CRACDL: variants seen among roughly 807,000 people sequenced by gnomAD.
CRACDL encodes the protein CRACD-like protein.
A neutral mutation model predicts 70.6 loss-of-function variants in CRACDL; 26 were observed. The ratio of observed to expected loss-of-function variants is 0.37; its 90% CI spans 0.27 to 0.51. The LOEUF (loss-of-function observed/expected upper bound fraction) is 0.51, where lower values mean the gene tolerates loss of function less well. Ranked by LOEUF, CRACDL falls within the 20% of genes least tolerant of loss-of-function variation. CRACDL has a pLI of 0.94. For missense variants in CRACDL, 1,283 were observed against 1,376.9 expected (o/e 0.93, Z 1.08); for synonymous variants, 618 against 615.2 (o/e 1.00, Z -0.07).
Position 98,822,568 on chromosome 2 carries a change from G to C in CRACDL, c.1705C>G (p.Arg569Gly), listed in dbSNP as rs200824865. ...RKAERGGAELRGAKKFSVSSC... is the reference protein window; with the variant it reads ...RKAERGGAELGGAKKFSVSSC... Reference sequence around the variant, plus strand: ...GACACCGAGAACTTCTTCGCGCCTCGCAGCTCGGCACCGCCCCTCTCCGCC... The same window carrying C: ...GACACCGAGAACTTCTTCGCGCCTCCCAGCTCGGCACCGCCCCTCTCCGCC... The change falls in exon 7 of 10, where the codon CGA becomes GGA. Residue 569 changes from arginine (R) to glycine (G), a missense_variant. Transcript: ENST00000397899. The surrounding 1 kb of genome is among the most constrained non-coding windows in gnomAD (Gnocchi z 4.9). 5 of 1,461,334 alleles carry C rather than the reference G, an allele frequency of 3.4e-6. No homozygotes were observed. The highest frequency in any genetic ancestry group is 1.5e-5 in the African/African-American group (1 of 67,736). 90.5% of individuals were successfully genotyped at this position (1,461,334 alleles called of 1,614,324 possible).
At chr2:98,848,700 C>T (rs1706358629) in intron 1 of CRACDL, among the ~76,000 whole-genome samples, 2 of 152,314 alleles carry the variant, frequency 1.3e-5, no homozygotes, top group Middle Eastern at 3.4e-3. Flanking sequence ...CCTCCCACCT[C>T]AGCCCCCCCA....
intron 7 of CRACDL, among the ~76,000 whole-genome samples, chr2:98,803,487 T>C (rs771430767): frequency 1.2e-4 from 19 of 152,196 alleles, no homozygotes; most frequent in Non-Finnish European, 2.5e-4. Flanking sequence ...ATTTCTTTCT[T>C]GTTCATAGAA....
At chr2:98,814,348 T>C (rs1025317700) in intron 7 of CRACDL, among the ~76,000 whole-genome samples, 6 of 152,180 alleles carry the variant, frequency 3.9e-5, no homozygotes, top group Admixed American at 3.3e-4. Flanking sequence ...TTTTGATATG[T>C]TGTATTTTCA....
At chr2:98,878,502 A>G (rs1707548269) in intron 1 of CRACDL, among the ~76,000 whole-genome samples, 1 of 152,246 alleles carries the variant, frequency 6.6e-6, no homozygotes, top group Non-Finnish European at 1.5e-5. Context: ...AGCATATTAC[A>G]TGATGTTCAC....
At chr2:98,891,376 C>CAAAAATAAAAAA (rs1707974025) in intron 1 of CRACDL, among the ~76,000 whole-genome samples, 1 of 37,902 alleles carries the variant, frequency 2.6e-5, no homozygotes, top group Non-Finnish European at 5.1e-5. Flanking sequence ...GACTCCGTCT[C>CAAAAATAAAAAA]AAAAAAAAAA....
intron 7 of CRACDL, among the ~76,000 whole-genome samples, chr2:98,811,829 G>A (rs569050554): frequency 6.6e-6 from 1 of 152,286 alleles, no homozygotes; most frequent in Admixed American, 6.5e-5. Context: ...TATTCACTGA[G>A]CATGCACAAT....
intron 7 of CRACDL, among the ~76,000 whole-genome samples, chr2:98,806,003 G>A (rs775222930): frequency 2.0e-5 from 3 of 152,270 alleles, no homozygotes; most frequent in Non-Finnish European, 4.4e-5. Flanking sequence ...TGAGGGCCCA[G>A]AGGGGCCGTC....
rs1017824279 is a variant in CRACDL, at chr2:98,797,430, G to A, written c.2524C>T (p.Pro842Ser). The change falls in exon 8 of 10, where the codon CCC (proline) becomes TCC (serine). Residue 842 changes from proline to serine, a missense_variant. By Grantham distance (74) the Pro-to-Ser change is moderately conservative. This residue lies in a region of CRACDL where 921 missense variants were observed against 881.9 expected (regional missense o/e 1.04). Coordinates refer to ENST00000397899, the MANE Select transcript of CRACDL (RefSeq NM_207362.3). ...QKRRGTLDQP[P>S]NQEDKPGART... The stretch of plus-strand genomic sequence containing the variant: ...GCCCCAGGCTTGTCTTCCTGGTTGG[G>A]TGGCTGGTCCAAGGTCCCCCTCCGC... The A allele has an allele frequency of 1.9e-6, 3 of 1,614,226 alleles. No homozygotes were observed. Among genetic ancestry groups the A allele is most frequent in the Admixed American group, 1.7e-5 (1 of 60,032 alleles).
intron 1 of CRACDL, among the ~76,000 whole-genome samples, chr2:98,906,459 GC>G (rs1340571163): frequency 6.6e-6 from 1 of 151,946 alleles, no homozygotes; most frequent in Non-Finnish European, 1.5e-5. Flanking sequence ...ACGGGGTTTT[GC>G]CATGTTGATC....
At chr2:98,815,340 T>C (rs1207167148) in intron 7 of CRACDL, among the ~76,000 whole-genome samples, 3 of 152,252 alleles carry the variant, frequency 2.0e-5, no homozygotes, top group Non-Finnish European at 2.9e-5. Context: ...TAGTCAGTTT[T>C]ATGCATGTGC....
intron 1 of CRACDL, among the ~76,000 whole-genome samples, chr2:98,927,987 C>T (rs1015306093): frequency 6.6e-6 from 1 of 151,954 alleles, no homozygotes; most frequent in Non-Finnish European, 1.5e-5. Context: ...TCAAGACCAG[C>T]CTGGCCAACA....
chr2:98,807,091 C>A (rs933867324), intron 7 of CRACDL, among the ~76,000 whole-genome samples: 3 of 152,170 alleles, frequency 2.0e-5, no homozygotes, highest in African/African-American at 7.2e-5. Flanking sequence ...CTCCTTGCAA[C>A]GTAAGGATAT....
At chr2:98,865,464 C>T (rs960390121) in intron 1 of CRACDL, among the ~76,000 whole-genome samples, 3 of 152,094 alleles carry the variant, frequency 2.0e-5, no homozygotes, top group South Asian at 2.1e-4. Context: ...TGGTTACATT[C>T]CCCATACTTT....
chr2:98,931,025 A>G (rs1426097527), intron 1 of CRACDL, among the ~76,000 whole-genome samples: 3 of 152,170 alleles, frequency 2.0e-5, no homozygotes, highest in Admixed American at 6.5e-5. Flanking sequence ...TAAGTGGCAC[A>G]GCAGAAACCA....
At chr2:98,911,472 C>T (rs777013256) in intron 1 of CRACDL, among the ~76,000 whole-genome samples, 3 of 152,230 alleles carry the variant, frequency 2.0e-5, no homozygotes, top group Non-Finnish European at 2.9e-5. Flanking sequence ...CGCTCTCAGA[C>T]TCTCACAGTT....
intron 1 of CRACDL, among the ~76,000 whole-genome samples, chr2:98,933,348 C>T (rs1289144339): frequency 2.6e-5 from 4 of 152,086 alleles, no homozygotes; most frequent in Non-Finnish European, 5.9e-5. Context: ...AAGGGGTCCC[C>T]GAGGAGTAAC....
intron 7 of CRACDL, among the ~76,000 whole-genome samples, chr2:98,810,437 C>T (rs751890996): frequency 1.3e-5 from 2 of 152,112 alleles, no homozygotes; most frequent in African/African-American, 2.4e-5. Flanking sequence ...GTTCCACCCA[C>T]GACCTGGGAA....
chr2:98,832,465 C>T lies in CRACDL; in HGVS notation c.423G>A (p.Gly141=), dbSNP rs1449129606. ...NVKMGPPPPP[G]GLPAKRGEDA... ...CCTCTCCCCGCTTGGCAGGAAGCCC[C>T]CCTGGAGGAGGTGGTGGCCCCATTT... The change falls in exon 5 of 10, where the codon GGG becomes GGA. Residue 141 remains glycine (G), a synonymous_variant. Coordinates refer to ENST00000397899, the MANE Select transcript of CRACDL (RefSeq NM_207362.3). 6.2e-7 allele frequency: 1 copy of T among 1,613,338 alleles called. No individual in the cohort carries two copies. Among genetic ancestry groups the T allele is most frequent in the East Asian group, 2.2e-5 (1 of 44,850 alleles).
intron 1 of CRACDL, among the ~76,000 whole-genome samples, chr2:98,888,088 AAAG>A (rs1271456151): frequency 2.6e-5 from 4 of 152,224 alleles, no homozygotes; most frequent in African/African-American, 7.2e-5. Flanking sequence ...TCAATTTTTA[AAAG>A]AAGGGAAAAT....
Sources: gnomAD v4.1 joint callset for allele counts (sites outside exome capture counted in the v4.1 genomes callset) on GRCh38, gnomAD v4.1.1 for gene constraint, gnomAD v4.1.1 regional missense constraint, Gnocchi (gnomAD v3.1) non-coding constraint, MANE v1.5 for transcripts, NCBI Gene and HGNC (gene_info 2026-07-23, HGNC 2026-07-21) for gene names.